The following LOXHD1 variants were observed in gnomAD, a reference collection of about 807,000 sequenced individuals.
The protein encoded by LOXHD1 is lipoxygenase homology domain-containing protein 1.
A neutral mutation model predicts 248.2 loss-of-function variants in LOXHD1; 205 were observed. The ratio of observed to expected loss-of-function variants is 0.83; its 90% confidence interval spans 0.74 to 0.93. LOXHD1 has a LOEUF of 0.93. Among genes scored for constraint, LOXHD1 ranks in the 40% least tolerant of loss-of-function variants. The probability of loss-of-function intolerance (pLI) is 0.00; values close to 1 mark genes in which losing one functional copy is unlikely to be tolerated. For missense variants in LOXHD1, 2,930 were observed against 2,971.6 expected (o/e 0.99, Z 0.33); for synonymous variants, 1,113 against 1,162.8 (o/e 0.96, Z 0.87).
intron 7 of LOXHD1, among the ~76,000 whole-genome samples, chr18:46,603,658 C>A (rs2144292837): frequency 6.6e-6 from 1 of 152,268 alleles, no homozygotes. Flanking sequence ...TCTTCCATTG[C>A]CTCAGTTTCC....
At chr18:46,488,114 T>G (rs553845135) in intron 38 of LOXHD1, among the ~76,000 whole-genome samples, 2 of 152,240 alleles carry the variant, frequency 1.3e-5, no homozygotes, top group East Asian at 3.9e-4. Context: ...GCTGGAAGTG[T>G]TGCAGGTAAG....
intron 36 of LOXHD1, 99 bp from the exon 37 acceptor site, chr18:46,506,122 T>C (rs1299107294): frequency 7.5e-7 from 1 of 1,332,266 alleles, no homozygotes; most frequent in Non-Finnish European, 1.0e-6. Context: ...GAGTCAGGGG[T>C]ACAGGTGGAC....
intron 4 of LOXHD1, among the ~76,000 whole-genome samples, chr18:46,634,030 A>C (rs2038860979): frequency 6.6e-6 from 1 of 152,246 alleles, no homozygotes; most frequent in Admixed American, 6.5e-5. Flanking sequence ...TGTAGAAAAC[A>C]GTATGGTGGT....
intron 40 of LOXHD1, 151 bp downstream of exon 40, chr18:46,483,436 T>A: frequency 1.1e-6 from 1 of 920,974 alleles, no homozygotes; most frequent in East Asian, 2.7e-5. Flanking sequence ...AGCTGTCTCT[T>A]CCCTTCCTGC....
chr18:46,538,291 A>T lies in LOXHD1; in HGVS notation c.3960T>A (p.Ala1320=), dbSNP rs2036403777. The change falls in exon 26 of 41, where the codon GCT becomes GCA. Residue 1320 remains alanine (A), a synonymous_variant. Coordinates refer to ENST00000642948, the MANE Select transcript of LOXHD1 (RefSeq NM_001384474.1). ...TGATGAAGATGTTGGCATCTGTCCC[A>T]GCAGCAAAGACATCACTGGTGTAGA... is the stretch of plus-strand genomic sequence containing the variant. ...ITLYTSDVFA[A]GTDANIFIII... 6.4e-7 allele frequency: 1 copy of T among 1,551,582 alleles called. No individual in the cohort carries two copies. Among genetic ancestry groups the T allele is most frequent in the Non-Finnish European group, 8.7e-7 (1 of 1,146,820 alleles).
Position 46,477,489 on chromosome 18 carries a change from G to T in LOXHD1, c.6805C>A (p.Leu2269Ile), listed in dbSNP as rs185284472. The T allele has an allele frequency of 3.2e-6, 5 of 1,547,860 alleles. No individual in the cohort carries two copies. Among genetic ancestry groups the T allele is most frequent in the Admixed American group, 3.9e-5 (2 of 50,990 alleles). Residue 2269 changes from leucine (L) to isoleucine (I), a missense_variant, in exon 41 of 41, where the codon CTC (leucine) becomes ATC (isoleucine). By Grantham distance (5) the Leu-to-Ile change is conservative (BLOSUM62 2). Transcript: ENST00000642948. ...KRGDGLTWRD[L>I]FPSV ...CTAGCCCCTCAGACAGAAGGGAAGAGGTCTCTCCAGGTGAGTCCATCCCCC... is the reference window on the plus strand; with the variant it reads ...CTAGCCCCTCAGACAGAAGGGAAGATGTCTCTCCAGGTGAGTCCATCCCCC...
intron 37 of LOXHD1, among the ~76,000 whole-genome samples, chr18:46,498,501 A>G (rs2034017793): frequency 6.6e-6 from 1 of 152,200 alleles, no homozygotes; most frequent in Non-Finnish European, 1.5e-5. Flanking sequence ...TCTGCAGTCA[A>G]GGTGTCAGAA....
intron 7 of LOXHD1, 88 bp downstream of exon 7, chr18:46,604,018 C>A: frequency 6.6e-7 from 1 of 1,508,098 alleles, no homozygotes; most frequent in South Asian, 1.2e-5. Context: ...CCTGTTTGAT[C>A]ACAGGCCTCC....
At position 46,518,179 on chromosome 18, in the gene LOXHD1, G is replaced by T; in HGVS notation, c.5349C>A (p.Tyr1783Ter). The T allele has an allele frequency of 6.4e-7, 1 of 1,551,642 alleles. No homozygotes were observed. The highest frequency in any genetic ancestry group is 8.7e-7 in the Non-Finnish European group (1 of 1,146,986). ...GTDSNIFMTLYGINGSTEEMQ... is the reference protein window; with the variant it reads ...GTDSNIFMTL ...TCTCCTCTGTGCTCCCGTTGATGCC[G>T]TAGAGGGTCATGAAGATGTTGGAGT... Residue 1783 changes from tyrosine (Y) to a stop codon, truncating the protein, a stop_gained, in exon 34 of 41, where the codon TAC becomes TAA. Coordinates refer to ENST00000642948, the MANE Select transcript of LOXHD1 (RefSeq NM_001384474.1). LOFTEE classifies it high-confidence loss of function.
intron 6 of LOXHD1, among the ~76,000 whole-genome samples, chr18:46,604,485 A>G (rs993904007): frequency 1.3e-5 from 2 of 152,190 alleles, no homozygotes; most frequent in African/African-American, 4.8e-5. Context: ...GCTGCAGATC[A>G]TTTTTTAAAT....
chr18:46,525,577 C>T (rs563644045), intron 29 of LOXHD1, among the ~76,000 whole-genome samples: 36 of 152,134 alleles, frequency 2.4e-4, no homozygotes, highest in Non-Finnish European at 5.1e-4. Flanking sequence ...AGTCTGTCTT[C>T]AGTCAAGTGG....
intron 4 of LOXHD1, among the ~76,000 whole-genome samples, chr18:46,639,244 C>T (rs889591537): frequency 9.9e-5 from 15 of 152,124 alleles, no homozygotes; most frequent in African/African-American, 3.1e-4. Flanking sequence ...CCTTGGGCAT[C>T]GTAAGAAAAG....
At chr18:46,504,185 C>T (rs546444421) in intron 37 of LOXHD1, among the ~76,000 whole-genome samples, 7 of 152,234 alleles carry the variant, frequency 4.6e-5, no homozygotes, top group Non-Finnish European at 8.8e-5. Context: ...GCAATCACAG[C>T]TCACTGCAGC....
chr18:46,545,541 C>A, intron 22 of LOXHD1, 120 bp from the exon 23 acceptor site: 1 of 708,366 alleles, frequency 1.4e-6, no homozygotes, highest in South Asian at 1.6e-5. Flanking sequence ...CCCCATCACT[C>A]CAATTTTTCT....
chr18:46,543,071 A>G (rs2036634619), intron 23 of LOXHD1, among the ~76,000 whole-genome samples: 1 of 152,202 alleles, frequency 6.6e-6, no homozygotes, highest in African/African-American at 2.4e-5. Flanking sequence ...GTTTTTGGTT[A>G]CATGGGTGAG....
chr18:46,592,459 T>G, intron 11 of LOXHD1, 39 bp downstream of exon 11: 1 of 1,496,628 alleles, frequency 6.7e-7, no homozygotes, highest in Non-Finnish European at 9.1e-7. Context: ...CTTGTTCCTT[T>G]CCCAACAACC....
chr18:46,520,388 TA>T (rs2035515499), intron 33 of LOXHD1: 2 of 445,610 alleles, frequency 4.5e-6, no homozygotes, highest in South Asian at 3.4e-5. Flanking sequence ...GTTGACCCCA[TA>T]GCCATGAGCC....
intron 40 of LOXHD1, among the ~76,000 whole-genome samples, chr18:46,479,214 C>A (rs768412057): frequency 1.4e-5 from 2 of 141,188 alleles, no homozygotes; most frequent in Admixed American, 1.5e-4. Flanking sequence ...CTGAGTTGAA[C>A]AAAGAGTTTG....
chr18:46,612,177 G>T (rs1319013136), intron 5 of LOXHD1, among the ~76,000 whole-genome samples: 1 of 152,052 alleles, frequency 6.6e-6, no homozygotes, highest in Non-Finnish European at 1.5e-5. Context: ...TTTTGCTATT[G>T]CAAGCAGCAC....
Sources: gnomAD v4.1 joint callset for allele counts (sites outside exome capture counted in the v4.1 genomes callset) on GRCh38, gnomAD v4.1.1 for gene constraint, MANE v1.5 for transcripts, NCBI Gene and HGNC (gene_info 2026-07-23, HGNC 2026-07-21) for gene names.